DSCAML1: variants seen among roughly 807,000 people sequenced by gnomAD.
DSCAML1 encodes DS cell adhesion molecule like 1.
DSCAML1 carries 38 observed loss-of-function variants against 200.5 expected under a neutral mutation model. That is an observed-to-expected ratio of 0.19 (90% CI 0.15 to 0.25). The LOEUF (loss-of-function observed/expected upper bound fraction) is 0.25. DSCAML1 is among the 10% of genes least tolerant of loss of function. The pLI, the probability that DSCAML1 is intolerant of heterozygous loss-of-function variation, is 1.00. For synonymous variants in DSCAML1, 1,215 were observed against 1,165.0 expected, an observed-to-expected ratio of 1.04 and a Z score of -0.87; for missense variants, 2,223 against 2,858.8, an observed-to-expected ratio of 0.78 and a Z score of 5.07.
At chr11:117,449,016 C>A (rs1231011779) in intron 20 of DSCAML1, among the ~76,000 whole-genome samples, 1 of 152,182 alleles carries the variant, frequency 6.6e-6, no homozygotes, top group Non-Finnish European at 1.5e-5. Context: ...AACATATGCA[C>A]ACAAAAGCTA....
chr11:117,719,490 T>C (rs2054009528), intron 3 of DSCAML1, among the ~76,000 whole-genome samples: 1 of 152,182 alleles, frequency 6.6e-6, no homozygotes, highest in African/African-American at 2.4e-5. Context: ...CAGGGTTAGG[T>C]ACGTTGACCA....
At chr11:117,635,824 G>C (rs1425487770) in intron 3 of DSCAML1, among the ~76,000 whole-genome samples, 1 of 152,142 alleles carries the variant, frequency 6.6e-6, no homozygotes, top group Non-Finnish European at 1.5e-5. Context: ...CGCTGGGTGG[G>C]AAACGCTGCT....
chr11:117,784,463 T>C (rs1379633042), intron 1 of DSCAML1, among the ~76,000 whole-genome samples: 1 of 152,146 alleles, frequency 6.6e-6, no homozygotes, highest in African/African-American at 2.4e-5. Context: ...CGCTGAAGAC[T>C]GGGCACATGG....
At chr11:117,595,702 T>A (rs2051351549) in intron 3 of DSCAML1, among the ~76,000 whole-genome samples, 1 of 152,090 alleles carries the variant, frequency 6.6e-6, no homozygotes, top group Non-Finnish European at 1.5e-5. Flanking sequence ...GAAGAGTTTA[T>A]CAATGTCGCC....
At chr11:117,445,889 G>A (rs60385993) in intron 20 of DSCAML1, among the ~76,000 whole-genome samples, 2,944 of 152,224 alleles carry the variant, frequency 0.019, 41 homozygotes, top group Middle Eastern at 0.071. Context: ...AAAGCACACA[G>A]ACATAGCCCC....
In DSCAML1 at chr11:117,532,428, G is replaced by A; in HGVS notation, c.606C>T (p.His202=). Residue 202 remains histidine (H), a synonymous_variant, in exon 4 of 33, where the codon CAC becomes CAT. Transcript: ENST00000651296. ...ALSTYRCITK[H]KYSGETRQSN... Reference sequence around the variant, plus strand: ...TCTGCCGGGTCTCCCCGCTATACTTGTGCTTGGTGATGCAGCGATAGGTGG... The same window carrying A: ...TCTGCCGGGTCTCCCCGCTATACTTATGCTTGGTGATGCAGCGATAGGTGG... The A allele has an allele frequency of 6.2e-7, 1 of 1,614,162 alleles. No individual in the cohort carries two copies. Among genetic ancestry groups the A allele is most frequent in the South Asian group, 1.1e-5 (1 of 91,084 alleles).
chr11:117,513,319 T>A (rs1236260625), intron 8 of DSCAML1, among the ~76,000 whole-genome samples: 1 of 152,202 alleles, frequency 6.6e-6, no homozygotes, highest in Non-Finnish European at 1.5e-5. Flanking sequence ...GTGGCCAGGA[T>A]GCCCTTCCAC....
chr11:117,693,257 C>T (rs2053530208), intron 3 of DSCAML1, among the ~76,000 whole-genome samples: 1 of 152,172 alleles, frequency 6.6e-6, no homozygotes, highest in Non-Finnish European at 1.5e-5. Flanking sequence ...CTTACAGAAT[C>T]GATTTTTTGG....
intron 3 of DSCAML1, among the ~76,000 whole-genome samples, chr11:117,548,089 A>G (rs1157108410): frequency 6.6e-6 from 1 of 152,180 alleles, no homozygotes; most frequent in African/African-American, 2.4e-5. Context: ...TACTGTCCCT[A>G]GAGAGTAAGC....
chr11:117,511,801 G>T (rs1041875446), intron 8 of DSCAML1, among the ~76,000 whole-genome samples: 1 of 152,358 alleles, frequency 6.6e-6, no homozygotes, highest in East Asian at 1.9e-4. Flanking sequence ...ACACACTTGC[G>T]TATGTGTAAC....
chr11:117,487,972 G>A lies in DSCAML1; in HGVS notation c.2360-5810C>T, dbSNP rs73024362. Among the ~76,000 whole-genome samples, 752 of 152,300 alleles carry A rather than the reference G, an allele frequency of 4.9e-3. 4 individuals are homozygous for A. Among genetic ancestry groups the A allele is most frequent in the South Asian group, 8.3e-3 (40 of 4,822 alleles). ...GGGCCCCTTGTCTTTGGGCCCTTGGGGGTGCCCGGGTCTCAGGAGAGGGAA... is the reference window on the plus strand; with the variant it reads ...GGGCCCCTTGTCTTTGGGCCCTTGGAGGTGCCCGGGTCTCAGGAGAGGGAA... On this transcript the variant is annotated intron_variant, in intron 11 of 32. Coordinates refer to ENST00000651296, the MANE Select transcript of DSCAML1 (RefSeq NM_020693.4).
chr11:117,672,585 C>T (rs1346377133), intron 3 of DSCAML1, among the ~76,000 whole-genome samples: 1 of 152,236 alleles, frequency 6.6e-6, no homozygotes, highest in Non-Finnish European at 1.5e-5. Context: ...ACAGCAACTT[C>T]AGAATAAGCC....
At chr11:117,763,737 C>T (rs542789672) in intron 3 of DSCAML1, among the ~76,000 whole-genome samples, 5 of 151,934 alleles carry the variant, frequency 3.3e-5, no homozygotes, top group African/African-American at 1.2e-4. Context: ...ACTGCAGATG[C>T]CTGGGTTTCA....
chr11:117,596,706 A>C (rs1236596620), intron 3 of DSCAML1, among the ~76,000 whole-genome samples: 1 of 152,246 alleles, frequency 6.6e-6, no homozygotes, highest in Non-Finnish European at 1.5e-5. Flanking sequence ...AGTGAAAAGG[A>C]GCAATGCAGG....
intron 3 of DSCAML1, among the ~76,000 whole-genome samples, chr11:117,664,299 G>A (rs1477835292): frequency 6.6e-6 from 1 of 152,262 alleles, no homozygotes; most frequent in Non-Finnish European, 1.5e-5. Flanking sequence ...GGTGGCTGCT[G>A]ACAGGCTTTC....
chr11:117,730,991 G>T (rs1164525619), intron 3 of DSCAML1, among the ~76,000 whole-genome samples: 1 of 152,180 alleles, frequency 6.6e-6, no homozygotes, highest in Non-Finnish European at 1.5e-5. Context: ...CCTCGGTCAG[G>T]GAAAGGGATG....
At chr11:117,641,361 C>T (rs1202540747) in intron 3 of DSCAML1, among the ~76,000 whole-genome samples, 2 of 152,224 alleles carry the variant, frequency 1.3e-5, no homozygotes, top group Non-Finnish European at 2.9e-5. Context: ...TTTCAGCATC[C>T]TCTGCGATCA....
intron 31 of DSCAML1, 148 bp from the exon 32 acceptor site, chr11:117,431,181 G>C: frequency 2.6e-6 from 2 of 771,876 alleles, no homozygotes; most frequent in Non-Finnish European, 4.1e-6. Flanking sequence ...GAAGGTGGCA[G>C]TGGTGGCAGA....
At chr11:117,447,064 C>T (rs141421493) in intron 20 of DSCAML1, among the ~76,000 whole-genome samples, 2 of 152,012 alleles carry the variant, frequency 1.3e-5, no homozygotes, top group East Asian at 1.9e-4. Flanking sequence ...CTGAGGAGGG[C>T]GGATCACTGA....
Sources: allele counts gnomAD v4.1 joint callset (sites outside exome capture counted in the v4.1 genomes callset), GRCh38; gene constraint gnomAD v4.1.1; transcripts MANE v1.5; gene names NCBI Gene and HGNC (gene_info 2026-07-23, HGNC 2026-07-21).